PIGL: variants seen among roughly 807,000 people sequenced by gnomAD.
The protein encoded by PIGL is N-acetylglucosaminyl-phosphatidylinositol de-N-acetylase.
Under a neutral mutation model 31.1 loss-of-function variants are expected in PIGL, and 22 were observed. The ratio of observed to expected loss-of-function variants is 0.71; its 90% confidence interval spans 0.51 to 1.01. The LOEUF is 1.01. Among genes scored for constraint, PIGL ranks in the 50% least tolerant of loss-of-function variants. PIGL has a pLI of 0.00. For synonymous variants in PIGL, 131 were observed against 117.4 expected, an observed-to-expected ratio of 1.12 and a Z score of -0.75; for missense variants, 302 against 315.9, an observed-to-expected ratio of 0.96 and a Z score of 0.33.
intron 2 of PIGL, among the ~76,000 whole-genome samples, chr17:16,246,397 A>T (rs1360598602): frequency 6.6e-6 from 1 of 151,298 alleles, no homozygotes; most frequent in Non-Finnish European, 1.5e-5. Flanking sequence ...CTGTAGTCCC[A>T]GCTACTTGGG....
chr17:16,253,079 T>C (rs1395653131), intron 2 of PIGL, among the ~76,000 whole-genome samples: 2 of 151,832 alleles, frequency 1.3e-5, no homozygotes, highest in African/African-American at 4.8e-5. Flanking sequence ...TAGCTTGGGG[T>C]GATGGCGCAT....
At chr17:16,305,753 T>G (rs75765297) in intron 3 of PIGL, among the ~76,000 whole-genome samples, 1 of 152,002 alleles carries the variant, frequency 6.6e-6, no homozygotes, top group Non-Finnish European at 1.5e-5. Flanking sequence ...AGCCTGGGAG[T>G]TGAGATACTC....
rs35572629 is a variant in PIGL at position 16,242,644 on chromosome 17, CTTTTTTTTTTTTTTTTT to C, written c.335+8585_335+8601del. Among the ~76,000 whole-genome samples, 167 of 79,084 alleles carry C rather than the reference CTTTTTTTTTTTTTTTTT, an allele frequency of 2.1e-3. 2 individuals carry two copies. Among genetic ancestry groups the C allele is most frequent in the Non-Finnish European group, 2.9e-4 (12 of 41,552 alleles). 51.9% of individuals were successfully genotyped at this position (79,084 alleles called of 152,430 possible). A position where few individuals can be genotyped will look rare whatever the true frequency, so the allele number is the denominator to read the frequency against. ...AACATATGCCTCTTATTTCTGATTC[CTTTTTTTTTTTTTTTTT>C]TTTTTTTTTTGAGACAGAGTCTCGC... On this transcript the variant is annotated intron_variant, in intron 2 of 6. Coordinates refer to ENST00000225609, the MANE Select transcript of PIGL (RefSeq NM_004278.4).
intron 2 of PIGL, among the ~76,000 whole-genome samples, chr17:16,286,875 TC>T (rs1347262843): frequency 6.6e-6 from 1 of 152,082 alleles, no homozygotes; most frequent in East Asian, 1.9e-4. Flanking sequence ...CCTCACCTCT[TC>T]CCCTGCCCAT....
At chr17:16,320,131 A>T (rs951293132) in intron 6 of PIGL, among the ~76,000 whole-genome samples, 2 of 145,630 alleles carry the variant, frequency 1.4e-5, no homozygotes, top group Non-Finnish European at 3.0e-5. Context: ...GGGAAGGGGA[A>T]GGGGAAAGGG....
chr17:16,232,626 C>A lies in PIGL; in HGVS notation c.236-1345C>A, dbSNP rs1303747079. Among the ~76,000 whole-genome samples the A allele has an allele frequency of 2.6e-5, 4 of 151,956 alleles. No homozygotes were observed. The East Asian group carries it at 7.7e-4, about 29-fold the overall frequency. On this transcript the variant is annotated intron_variant, in intron 1 of 6. Transcript: ENST00000225609. ...CATAATCATAGACTAATGTGCACAG[C>A]CTTTGAACTTAGCAATTGCAACACT...
At chr17:16,314,177 T>C (rs1191926682) in intron 4 of PIGL, among the ~76,000 whole-genome samples, 2 of 152,214 alleles carry the variant, frequency 1.3e-5, no homozygotes, top group Non-Finnish European at 2.9e-5. Context: ...CTCAAAGGTA[T>C]TGAGTGACAT....
intron 4 of PIGL, among the ~76,000 whole-genome samples, chr17:16,315,704 CTTTCTTTTTT>C (rs774033791): frequency 1.7e-4 from 13 of 75,440 alleles, no homozygotes; most frequent in Admixed American, 5.2e-4. Flanking sequence ...TTCTTTCTTT[CTTTCTTTTTT>C]TTTTTTTTTT....
chr17:16,269,473 C>A (rs2092860357), intron 2 of PIGL, among the ~76,000 whole-genome samples: 1 of 151,888 alleles, frequency 6.6e-6, no homozygotes, highest in African/African-American at 2.4e-5. Flanking sequence ...CATGGTGAAA[C>A]CCCGTCTCTA....
At chr17:16,248,019 C>T (rs2092756136) in intron 2 of PIGL, among the ~76,000 whole-genome samples, 1 of 152,118 alleles carries the variant, frequency 6.6e-6, no homozygotes, top group Admixed American at 6.5e-5. Context: ...TCCCAAGTAG[C>T]CGGGATTACA....
intron 6 of PIGL, among the ~76,000 whole-genome samples, chr17:16,322,385 G>A (rs747683776): frequency 2.0e-5 from 3 of 152,266 alleles, no homozygotes; most frequent in Admixed American, 6.5e-5. Context: ...GGGAGTCACC[G>A]CACCCAGCCT....
intron 1 of PIGL, among the ~76,000 whole-genome samples, chr17:16,220,220 C>T (rs1250997642): frequency 2.6e-5 from 4 of 151,782 alleles, no homozygotes; most frequent in Non-Finnish European, 5.9e-5. Context: ...TGGTGGTCCA[C>T]GCCTGTAGTC....
At chr17:16,271,276 CCTTTTGTGACAGTGGG>C (rs1383720216) in intron 2 of PIGL, among the ~76,000 whole-genome samples, 1 of 152,188 alleles carries the variant, frequency 6.6e-6, no homozygotes, top group Non-Finnish European at 1.5e-5. Context: ...CTCAGCTCCA[CCTTTTGTGACAGTGGG>C]CAGGCACATT....
intron 1 of PIGL, among the ~76,000 whole-genome samples, chr17:16,231,180 G>A (rs1382654668): frequency 6.8e-6 from 1 of 147,958 alleles, no homozygotes; most frequent in South Asian, 2.1e-4. Flanking sequence ...TAGGAGCTGG[G>A]ATTACAGGCA....
At chr17:16,234,425 C>T (rs947216980) in intron 2 of PIGL, among the ~76,000 whole-genome samples, 3 of 150,894 alleles carry the variant, frequency 2.0e-5, no homozygotes, top group Admixed American at 6.6e-5. Flanking sequence ...CCATCCTGGG[C>T]GACAGTGAGA....
At chr17:16,315,708 C>CTTTTTTTTTTTTTTTTTTTTTTT (rs1157169209) in intron 4 of PIGL, among the ~76,000 whole-genome samples, 3 of 58,990 alleles carry the variant, frequency 5.1e-5, no homozygotes, top group Non-Finnish European at 8.5e-5. Flanking sequence ...TTCTTTCTTT[C>CTTTTTTTTTTTTTTTTTTTTTTT]TTTTTTTTTT....
At chr17:16,321,392 C>T (rs1031512699) in intron 6 of PIGL, among the ~76,000 whole-genome samples, 2 of 152,028 alleles carry the variant, frequency 1.3e-5, no homozygotes, top group South Asian at 2.1e-4. Context: ...AGGCATGGGC[C>T]ACCATGCCCA....
chr17:16,260,764 G>A (rs573853813), intron 2 of PIGL, among the ~76,000 whole-genome samples: 2 of 152,200 alleles, frequency 1.3e-5, no homozygotes, highest in South Asian at 2.1e-4. Flanking sequence ...CTAGTTGTCC[G>A]TGTACTTCAT....
intron 1 of PIGL, among the ~76,000 whole-genome samples, chr17:16,221,488 C>G (rs2092628825): frequency 1.3e-5 from 2 of 148,302 alleles, no homozygotes; most frequent in South Asian, 4.3e-4. Context: ...GTCTCACTGT[C>G]GCCCGGGCTG....
Sources: allele counts gnomAD v4.1 joint callset (sites outside exome capture counted in the v4.1 genomes callset), GRCh38; gene constraint gnomAD v4.1.1; transcripts MANE v1.5; gene names NCBI Gene and HGNC (gene_info 2026-07-23, HGNC 2026-07-21).